The following NDUFS1 variants were observed in gnomAD, a reference collection of about 807,000 sequenced individuals.
The protein encoded by NDUFS1 is NADH:ubiquinone oxidoreductase core subunit S1.
NDUFS1 carries 61 observed loss-of-function variants against 84.4 expected under a neutral mutation model. The observed-to-expected ratio is 0.72, with a 90% confidence interval of 0.59 to 0.89. The LOEUF (loss-of-function observed/expected upper bound fraction) is 0.89, where lower values mean the gene tolerates loss of function less well. Ranked by LOEUF, NDUFS1 falls within the 40% of genes least tolerant of loss-of-function variation. The pLI is 0.00. For missense variants in NDUFS1, 891 were observed against 890.0 expected, an observed-to-expected ratio of 1.00 and a Z score of -0.01; for synonymous variants, 275 against 290.0, an observed-to-expected ratio of 0.95 and a Z score of 0.53.
intron 11 of NDUFS1, 146 bp downstream of exon 11, chr2:206,142,540 A>G: frequency 9.9e-7 from 1 of 1,013,326 alleles, no homozygotes; most frequent in African/African-American, 1.6e-5. Flanking sequence ...GGATTCCTCT[A>G]TTTCCTACAA....
At chr2:206,148,552 G>A (rs2105976270) in intron 5 of NDUFS1, among the ~76,000 whole-genome samples, 1 of 152,242 alleles carries the variant, frequency 6.6e-6, no homozygotes, top group East Asian at 1.9e-4. Context: ...TGGGAGGGAG[G>A]CTGAGGCAGG....
At chr2:206,155,289 G>T (rs1286834231) in intron 1 of NDUFS1, among the ~76,000 whole-genome samples, 1 of 151,604 alleles carries the variant, frequency 6.6e-6, no homozygotes, top group Admixed American at 6.6e-5. Context: ...CTAATTTTTT[G>T]TATTTTTAGT....
At position 206,144,033 on chromosome 2, in the gene NDUFS1, A is replaced by C. The variant is rs541789299; in HGVS notation, c.972T>G (p.Ser324=). 24 of 1,610,994 alleles carry C rather than the reference A, an allele frequency of 1.5e-5. No homozygotes were observed. In the Admixed American group the frequency reaches 2.5e-4, roughly 17 times the overall value. Reference sequence around the variant, plus strand: ...CAAATTTTACCATTCCAGCTACGCGAGAGAGCGCATCCTCCCAAGAAGTAT... The same window carrying C: ...CAAATTTTACCATTCCAGCTACGCGCGAGAGCGCATCCTCCCAAGAAGTAT... ...LTYTSWEDAL[S]RVAGMLQSFQ... is the part of the protein sequence containing the mutation. Residue 324 remains serine (S), a synonymous_variant, in exon 10 of 19, where the codon TCT becomes TCG. Coordinates refer to ENST00000233190, the MANE Select transcript of NDUFS1 (RefSeq NM_005006.7).
At chr2:206,129,938 T>G in intron 15 of NDUFS1, 150 bp downstream of exon 15, 1 of 815,738 alleles carries the variant, frequency 1.2e-6, no homozygotes. Flanking sequence ...TAATAACACT[T>G]GTGGTTTGTT....
At chr2:206,128,037 A>G in intron 15 of NDUFS1, 65 bp from the exon 16 acceptor site, 2 of 1,507,146 alleles carry the variant, frequency 1.3e-6, no homozygotes, top group East Asian at 2.3e-5. Context: ...CTGTACATGA[A>G]GATAGTATAT....
intron 1 of NDUFS1, among the ~76,000 whole-genome samples, chr2:206,158,464 C>A (rs1687765544): frequency 1.3e-5 from 2 of 152,148 alleles, no homozygotes; most frequent in Admixed American, 6.5e-5. Flanking sequence ...CCATTTTATT[C>A]TTCTTTACGG....
chr2:206,133,176 T>C, intron 13 of NDUFS1, 71 bp from the exon 14 acceptor site: 1 of 1,308,452 alleles, frequency 7.6e-7, no homozygotes, highest in African/African-American at 1.5e-5. Context: ...CATATTTGCC[T>C]CTATAATATA....
chr2:206,115,807 T>G lies in NDUFS1; in HGVS notation c.*8378A>C. The G allele has an allele frequency of 2.4e-6, 1 of 412,732 alleles. No homozygotes were observed. Among genetic ancestry groups the G allele is most frequent in the South Asian group, 2.0e-5 (1 of 49,380 alleles). The allele number at this position is 412,732 out of a possible 1,614,324, so 25.6% of individuals were successfully genotyped here. A position where few individuals can be genotyped will look rare whatever the true frequency, so the allele number is the denominator to read the frequency against. On this transcript the variant is annotated 3_prime_UTR_variant, in exon 19 of 19. Transcript: ENST00000233190. ...TATATAAGGCTTAAGAATAACAACA[T>G]TATCTTTGAATTATGTAATTTTTGT...
At position 206,124,208 on chromosome 2, in the gene NDUFS1, C is replaced by A; in HGVS notation, c.2161G>T (p.Val721Leu). The change falls in exon 19 of 19, where the codon GTA becomes TTA. Residue 721 changes from valine to leucine, a missense_variant. Transcript: ENST00000233190. ...VKAVTEGAQA[V>L]EEPSIC ...CTTCAGCATATGGATGGTTCCTCTA[C>A]TGCCTGGGCACCCTCTGTGACAGCT... The A allele has an allele frequency of 6.2e-7, 1 of 1,612,746 alleles. No homozygotes were observed. The highest frequency in any genetic ancestry group is 1.1e-5 in the South Asian group (1 of 91,060).
chr2:206,143,796 C>T (rs759103614), intron 10 of NDUFS1, among the ~76,000 whole-genome samples: 1 of 152,136 alleles, frequency 6.6e-6, no homozygotes, highest in Non-Finnish European at 1.5e-5. Flanking sequence ...TTCTCTACTA[C>T]AAGATTGTAG....
At position 206,127,939 on chromosome 2, in the gene NDUFS1, T is replaced by A; in HGVS notation, c.1742A>T (p.Asp581Val). 1 of 1,614,030 alleles carries A rather than the reference T, an allele frequency of 6.2e-7. No homozygotes were observed. Among genetic ancestry groups the A allele is most frequent in the Non-Finnish European group, 8.5e-7 (1 of 1,180,008 alleles). The change falls in exon 16 of 19, where the codon GAT becomes GTT. Residue 581 changes from aspartate to valine, a missense_variant. Asp to Val is a radical substitution (Grantham distance 152). Coordinates refer to ENST00000233190, the MANE Select transcript of NDUFS1 (RefSeq NM_005006.7). ...HHGDVGAPIA[D>V]VILPGAAYTE... ...GTAAGCAGCTCCTGGGAGAATAACA[T>A]CAGCTATGGGAGCCCCAACATCACC...
At chr2:206,158,024 A>G (rs1329890484) in intron 1 of NDUFS1, among the ~76,000 whole-genome samples, 11 of 140,976 alleles carry the variant, frequency 7.8e-5, no homozygotes, top group African/African-American at 2.4e-4. Flanking sequence ...AGTGCAGCGG[A>G]GCGATCTCGG....
rs945430806 is a variant in NDUFS1, at chr2:206,118,452, C to G, written c.*5733G>C. The G allele has an allele frequency of 2.0e-5, 3 of 151,876 alleles. No individual in the cohort carries two copies. The highest frequency in any genetic ancestry group is 2.9e-5 in the Non-Finnish European group (2 of 68,102). 9.4% of individuals were successfully genotyped at this position (151,876 alleles called of 1,614,324 possible). A position where few individuals can be genotyped will look rare whatever the true frequency, so the allele number is the denominator to read the frequency against. On this transcript the variant is annotated 3_prime_UTR_variant, in exon 19 of 19. Coordinates refer to ENST00000233190, the MANE Select transcript of NDUFS1 (RefSeq NM_005006.7). Reference sequence around the variant, plus strand: ...ACCAGCCTGGGTAACATGGCGAAACCTCGTCTCTACAAAAAATACAAAAAT... The same window carrying G: ...ACCAGCCTGGGTAACATGGCGAAACGTCGTCTCTACAAAAAATACAAAAAT...
chr2:206,149,040 T>G lies in NDUFS1; in HGVS notation c.318A>C (p.Ser106=). 1.2e-6 allele frequency: 2 copies of G among 1,613,280 alleles called. No individual in the cohort carries two copies. The highest frequency in any genetic ancestry group is 1.7e-6 in the Non-Finnish European group (2 of 1,179,406). Residue 106 remains serine (S), a synonymous_variant, in exon 5 of 19, where the codon TCA becomes TCC. Coordinates refer to ENST00000233190, the MANE Select transcript of NDUFS1 (RefSeq NM_005006.7). The part of the protein sequence containing the change: ...VMKGWNILTN[S]EKSKKAREGV... ...AGTACCTGGCTTTTTTGGATTTTTCTGAGTTTGTTAGGATATTCCAACCCT... is the reference window on the plus strand; with the variant it reads ...AGTACCTGGCTTTTTTGGATTTTTCGGAGTTTGTTAGGATATTCCAACCCT...
At chr2:206,134,471 A>T (rs1330809974) in intron 13 of NDUFS1, among the ~76,000 whole-genome samples, 1 of 152,066 alleles carries the variant, frequency 6.6e-6, no homozygotes, top group Admixed American at 6.6e-5. Flanking sequence ...TCGTCTCTAC[A>T]AAAAATTGGC....
chr2:206,126,263 A>G (rs1049138221), intron 18 of NDUFS1, among the ~76,000 whole-genome samples: 1 of 152,254 alleles, frequency 6.6e-6, no homozygotes, highest in African/African-American at 2.4e-5. Context: ...AAAATTCACC[A>G]TAAATTGCTA....
rs1692066843 is a variant in NDUFS1 at position 206,144,044 on chromosome 2, C to T, written c.961G>A (p.Asp321Asn). 2 of 1,613,368 alleles carry T rather than the reference C, an allele frequency of 1.2e-6. No homozygotes were observed. Among genetic ancestry groups the T allele is most frequent in the African/African-American group, 2.7e-5 (2 of 74,882 alleles). Residue 321 changes from aspartate to asparagine, a missense_variant, in exon 10 of 19, where the codon GAT becomes AAT. Transcript: ENST00000233190. ...ATTCCAGCTACGCGAGAGAGCGCATCCTCCCAAGAAGTATAGGTTAAAAGC... is the reference window on the plus strand; with the variant it reads ...ATTCCAGCTACGCGAGAGAGCGCATTCTCCCAAGAAGTATAGGTTAAAAGC... ...KGLLTYTSWEDALSRVAGMLQ... is the reference protein window; with the variant it reads ...KGLLTYTSWENALSRVAGMLQ...
At chr2:206,148,921 G>A (rs1349406357) in intron 5 of NDUFS1, 99 bp downstream of exon 5, 7 of 889,030 alleles carry the variant, frequency 7.9e-6, no homozygotes, top group South Asian at 1.4e-5. Context: ...CTTCTTCCGA[G>A]TTTGATATTA....
chr2:206,121,287 C>T lies in NDUFS1; in HGVS notation c.*2898G>A, dbSNP rs1179802373. 2.6e-5 allele frequency: 4 copies of T among 152,160 alleles called. No homozygotes were observed. The highest frequency in any genetic ancestry group is 9.7e-5 in the African/African-American group (4 of 41,426). The allele number at this position is 152,160 out of a possible 1,614,324, so 9.4% of individuals were successfully genotyped here. ...TCATGATTCCACCAGACAGGTTACT[C>T]TCATCTACGTGTATTTTTCTTACAT... On this transcript the variant is annotated 3_prime_UTR_variant, in exon 19 of 19. Coordinates refer to ENST00000233190, the MANE Select transcript of NDUFS1 (RefSeq NM_005006.7).
Sources: gnomAD v4.1 joint callset for allele counts (sites outside exome capture counted in the v4.1 genomes callset) on GRCh38, gnomAD v4.1.1 for gene constraint, MANE v1.5 for transcripts, NCBI Gene and HGNC (gene_info 2026-07-23, HGNC 2026-07-21) for gene names.